Variants in DAAM2 observed in about 807,000 individuals in gnomAD.
DAAM2 encodes the protein dishevelled associated activator of morphogenesis 2.
DAAM2 carries 39 observed loss-of-function variants against 120.7 expected under a neutral mutation model. The ratio of observed to expected loss-of-function variants is 0.32; its 90% CI spans 0.25 to 0.42. The LOEUF (loss-of-function observed/expected upper bound fraction) is 0.42. DAAM2 is among the 10% of genes least tolerant of loss of function. DAAM2 has a pLI of 1.00. For missense variants in DAAM2, 1,283 were observed against 1,401.7 expected (o/e 0.92, Z 1.35); for synonymous variants, 488 against 524.9 (o/e 0.93, Z 0.96).
intron 1 of DAAM2, among the ~76,000 whole-genome samples, chr6:39,802,644 A>C (rs1167844047): frequency 1.3e-5 from 2 of 152,162 alleles, no homozygotes; most frequent in African/African-American, 4.8e-5. Flanking sequence ...CATTTATTAA[A>C]TAATACATCC....
chr6:39,868,357 T>G, intron 6 of DAAM2: 2 of 223,888 alleles, frequency 8.9e-6, no homozygotes, highest in Non-Finnish European at 1.8e-5. Flanking sequence ...ATATGAAGTG[T>G]CTTAGCACAG....
intron 1 of DAAM2, among the ~76,000 whole-genome samples, chr6:39,839,903 G>A (rs1264445130): frequency 2.6e-5 from 4 of 152,188 alleles, no homozygotes; most frequent in South Asian, 2.1e-4. Context: ...GAGTACCTGT[G>A]TGTTGGGGGA....
intron 1 of DAAM2, among the ~76,000 whole-genome samples, chr6:39,849,095 G>A (rs1421312656): frequency 6.6e-6 from 1 of 152,174 alleles, no homozygotes; most frequent in Non-Finnish European, 1.5e-5. Context: ...AAAATAATTG[G>A]ATATTGTCAG....
At chr6:39,813,302 G>A (rs893068016) in intron 1 of DAAM2, among the ~76,000 whole-genome samples, 8 of 152,134 alleles carry the variant, frequency 5.3e-5, no homozygotes, top group South Asian at 2.1e-4. Context: ...AATCATAGGC[G>A]ATGAGTCTGG....
intron 1 of DAAM2, among the ~76,000 whole-genome samples, chr6:39,828,134 T>C (rs1265934208): frequency 2.0e-5 from 3 of 152,216 alleles, no homozygotes; most frequent in African/African-American, 7.2e-5. Flanking sequence ...GCTTCCAGAA[T>C]GCAAAGCCCT....
intron 1 of DAAM2, among the ~76,000 whole-genome samples, chr6:39,814,141 G>T (rs1041514547): frequency 6.6e-6 from 1 of 151,504 alleles, no homozygotes; most frequent in African/African-American, 2.4e-5. Context: ...AATGTTATGA[G>T]ATTTTTGCAA....
chr6:39,860,642 C>G (rs759036921), intron 2 of DAAM2, among the ~76,000 whole-genome samples: 9 of 152,184 alleles, frequency 5.9e-5, no homozygotes, highest in African/African-American at 1.9e-4. Context: ...GGGCAGGGAA[C>G]AGGGTGACCT....
At chr6:39,882,535 G>A (rs1765168132) in intron 14 of DAAM2, among the ~76,000 whole-genome samples, 1 of 151,926 alleles carries the variant, frequency 6.6e-6, no homozygotes, top group Non-Finnish European at 1.5e-5. Context: ...TAGCTGCAGA[G>A]GGAGGCCTCC....
At chr6:39,871,478 A>T in intron 8 of DAAM2, 28 bp from the exon 9 acceptor site, 1 of 1,546,510 alleles carries the variant, frequency 6.5e-7, no homozygotes, top group Non-Finnish European at 8.8e-7. Context: ...TGTAATGTCT[A>T]CTCTCTCTGT....
At chr6:39,816,685 T>C (rs1044038048) in intron 1 of DAAM2, among the ~76,000 whole-genome samples, 5 of 152,220 alleles carry the variant, frequency 3.3e-5, no homozygotes, top group African/African-American at 1.2e-4. Flanking sequence ...GATTTATTCA[T>C]TGAGAAGAAA....
chr6:39,803,749 C>G (rs1331410878), intron 1 of DAAM2, among the ~76,000 whole-genome samples: 1 of 152,184 alleles, frequency 6.6e-6, no homozygotes, highest in Non-Finnish European at 1.5e-5. Flanking sequence ...CCCCTAGAAC[C>G]TGTGCAGGCT....
intron 1 of DAAM2, among the ~76,000 whole-genome samples, chr6:39,823,780 G>A (rs1243016420): frequency 2.0e-5 from 3 of 152,144 alleles, no homozygotes; most frequent in Non-Finnish European, 4.4e-5. Context: ...GCCCTTAGAT[G>A]GGGCTGGGCA....
intron 1 of DAAM2, among the ~76,000 whole-genome samples, chr6:39,830,939 T>C (rs977239974): frequency 1.3e-5 from 2 of 152,204 alleles, no homozygotes; most frequent in Non-Finnish European, 2.9e-5. Context: ...AGGTCGACCA[T>C]GTACCAAGGA....
intron 1 of DAAM2, among the ~76,000 whole-genome samples, chr6:39,798,334 G>A (rs1761760554): frequency 6.6e-6 from 1 of 152,216 alleles, no homozygotes; most frequent in Non-Finnish European, 1.5e-5. Flanking sequence ...ATGACTGTGA[G>A]GGTTGTCAGC....
intron 11 of DAAM2, among the ~76,000 whole-genome samples, chr6:39,877,619 G>A (rs931402910): frequency 6.6e-6 from 1 of 152,166 alleles, no homozygotes; most frequent in African/African-American, 2.4e-5. Context: ...ATCTCGCTTT[G>A]GGATTTCACC....
intron 1 of DAAM2, among the ~76,000 whole-genome samples, chr6:39,832,275 C>T (rs1388226095): frequency 2.6e-5 from 4 of 151,986 alleles, no homozygotes; most frequent in African/African-American, 7.3e-5. Context: ...GAGGGGGTCC[C>T]AGAGGCTCCC....
At chr6:39,824,046 G>A (rs1178587068) in intron 1 of DAAM2, among the ~76,000 whole-genome samples, 1 of 152,134 alleles carries the variant, frequency 6.6e-6, no homozygotes, top group Non-Finnish European at 1.5e-5. Context: ...CTTCTGTCTT[G>A]TACATTAGGA....
intron 22 of DAAM2, chr6:39,899,161 T>C: frequency 1.8e-6 from 1 of 562,128 alleles, no homozygotes; most frequent in Non-Finnish European, 3.2e-6. Context: ...TGGTATCTAT[T>C]TGGCAGTGGA....
chr6:39,859,150 G>A (rs1764117871), intron 2 of DAAM2, among the ~76,000 whole-genome samples: 1 of 152,150 alleles, frequency 6.6e-6, no homozygotes, highest in South Asian at 2.1e-4. Flanking sequence ...TCTTACCTGG[G>A]AAGGTCTACT....
Sources: gnomAD v4.1 joint callset for allele counts (sites outside exome capture counted in the v4.1 genomes callset) on GRCh38, gnomAD v4.1.1 for gene constraint, MANE v1.5 for transcripts, NCBI Gene and HGNC (gene_info 2026-07-23, HGNC 2026-07-21) for gene names.